The following KRT73 variants were observed in gnomAD, a reference collection of about 807,000 sequenced individuals.
KRT73 encodes the protein keratin 73.
Under a neutral mutation model 47.2 loss-of-function variants are expected in KRT73, and 44 were observed. The observed-to-expected ratio is 0.93, with a 90% CI of 0.73 to 1.20. The LOEUF (loss-of-function observed/expected upper bound fraction) is 1.20, where lower values mean the gene tolerates loss of function less well. Among genes scored for constraint, KRT73 ranks in the 50% most tolerant of loss-of-function variants. The pLI is 0.00. For synonymous variants in KRT73, 285 were observed against 291.3 expected, an observed-to-expected ratio of 0.98 and a Z score of 0.22; for missense variants, 713 against 704.5, an observed-to-expected ratio of 1.01 and a Z score of -0.14.
At chr12:52,613,531 C>G (rs530081878) in intron 5 of KRT73, 157 bp downstream of exon 5, 11 of 1,390,704 alleles carry the variant, frequency 7.9e-6, no homozygotes, top group Non-Finnish European at 1.0e-5. Context: ...AAGGACAGAG[C>G]TGTGTCTTCT....
At chr12:52,616,741 G>A (rs1940823415) in intron 1 of KRT73, among the ~76,000 whole-genome samples, 1 of 152,150 alleles carries the variant, frequency 6.6e-6, no homozygotes, top group African/African-American at 2.4e-5. Flanking sequence ...AAGCTGGCCT[G>A]TGCTAGCCTT....
At chr12:52,615,428 A>G (rs1940796521) in intron 2 of KRT73, 89 bp from the exon 3 acceptor site, 3 of 1,007,078 alleles carry the variant, frequency 3.0e-6, no homozygotes, top group Non-Finnish European at 3.1e-6. Context: ...AGATACCCAT[A>G]TTATATGCCT....
the KRT73 span, among the ~76,000 whole-genome samples, chr12:52,630,094 G>A: frequency 1.3e-5 from 2 of 152,192 alleles, no homozygotes; most frequent in South Asian, 4.1e-4. Context: ...GTGAGGGAAA[G>A]TCTAGAGGGT....
the KRT73 span, among the ~76,000 whole-genome samples, chr12:52,626,922 G>A: frequency 1.5e-4 from 23 of 152,152 alleles, no homozygotes; most frequent in Admixed American, 3.9e-4. Context: ...CACTCTACCC[G>A]GAAGGGCTCT....
chr12:52,627,113 TTAA>T, the KRT73 span, among the ~76,000 whole-genome samples: 1 of 152,204 alleles, frequency 6.6e-6, no homozygotes, highest in South Asian at 2.1e-4. Flanking sequence ...GCACCTCTAC[TTAA>T]ACACTCCCTT....
upstream of KRT73, among the ~76,000 whole-genome samples, chr12:52,619,820 A>G (rs933971218): frequency 6.6e-6 from 1 of 152,108 alleles, no homozygotes; most frequent in African/African-American, 2.4e-5. Flanking sequence ...AAATATATCC[A>G]TAGTATAGAA....
Position 52,610,714 on chromosome 12 carries a change from G to T in KRT73, c.1232C>A (p.Ala411Glu), listed in dbSNP as rs751592269. The change falls in exon 7 of 9, where the codon GCA (alanine) becomes GAA (glutamate). Residue 411 changes from alanine (A) to glutamate (E), a missense_variant. Ala to Glu is a moderately radical substitution (Grantham distance 107). Transcript: ENST00000305748. ...CTCTTGGTACTCGCGCAGCATCCGT[G>T]CCAGCTCCTCCTTGGCCTGCTGCAG... ...GALQQAKEEL[A>E]RMLREYQELL... The T allele has an allele frequency of 1.2e-6, 2 of 1,613,994 alleles. No homozygotes were observed. Among genetic ancestry groups the T allele is most frequent in the Admixed American group, 1.7e-5 (1 of 60,012 alleles).
At chr12:52,615,033 C>G (rs981838335) in intron 3 of KRT73, 3 of 539,782 alleles carry the variant, frequency 5.6e-6, no homozygotes, top group Non-Finnish European at 9.8e-6. Context: ...CTGTCCTGTT[C>G]CCCAGCCAGA....
chr12:52,617,421 T>C (rs1452747686), intron 1 of KRT73, among the ~76,000 whole-genome samples: 7 of 152,072 alleles, frequency 4.6e-5, no homozygotes, highest in Non-Finnish European at 7.4e-5. Flanking sequence ...AGCCTGAGAG[T>C]GTGCATTCTA....
chr12:52,625,808 C>A, the KRT73 span, among the ~76,000 whole-genome samples: 1 of 152,012 alleles, frequency 6.6e-6, no homozygotes, highest in Non-Finnish European at 1.5e-5. Context: ...AAGAAATAAA[C>A]TATCACTACA....
At chr12:52,614,223 G>A in intron 4 of KRT73, 1 of 341,396 alleles carries the variant, frequency 2.9e-6, no homozygotes, top group Non-Finnish European at 5.3e-6. Flanking sequence ...AGGCAGAAGG[G>A]GTATGAGGAC....
In KRT73 at chr12:52,613,753, G is replaced by T. The variant is rs747833195; in HGVS notation, c.919C>A (p.Arg307Ser). Reference protein sequence around the residue: ...LDLDSIIAEVRAQYEEIARKS... With the variant: ...LDLDSIIAEVSAQYEEIARKS... ...CGGGCGATCTCCTCATACTGGGCAC[G>T]GACCTCAGCAATGATGCTGTCCAGG... is the stretch of plus-strand genomic sequence containing the variant. The change falls in exon 5 of 9, where the codon CGT becomes AGT. Residue 307 changes from arginine (R) to serine (S), a missense_variant. Transcript: ENST00000305748. The T allele has an allele frequency of 7.4e-6, 12 of 1,613,996 alleles. No homozygotes were observed. Among genetic ancestry groups the T allele is most frequent in the Admixed American group, 3.3e-5 (2 of 60,002 alleles).
the KRT73 span, among the ~76,000 whole-genome samples, chr12:52,630,489 C>A: frequency 6.6e-6 from 1 of 152,144 alleles, no homozygotes; most frequent in African/African-American, 2.4e-5. Context: ...CAGCACTGTG[C>A]CGAGGGCCAA....
At chr12:52,623,471 G>A (rs7977282), upstream of KRT73, among the ~76,000 whole-genome samples, 62,245 of 151,994 alleles carry the variant, frequency 0.41, 13,323 homozygotes, top group African/African-American at 0.44. Flanking sequence ...TAAAAGAATG[G>A]CTAAAGTAAG....
intron 3 of KRT73, 146 bp downstream of exon 3, chr12:52,615,123 GTGTCCCAAAA>G (rs369437273): frequency 3.1e-5 from 19 of 611,780 alleles, no homozygotes; most frequent in African/African-American, 2.0e-4. Flanking sequence ...CCAACACCAG[GTGTCCCAAAA>G]TGTCCCAAGC....
At chr12:52,629,985 C>T in the KRT73 span, among the ~76,000 whole-genome samples, 1 of 152,190 alleles carries the variant, frequency 6.6e-6, no homozygotes, top group Non-Finnish European at 1.5e-5. Flanking sequence ...GGGATCAATA[C>T]AGCCGTGCCT....
In KRT73 at chr12:52,618,201, G is replaced by T. The variant is rs763414808; in HGVS notation, c.324C>A (p.Thr108=). The change falls in exon 1 of 9, where the codon ACC becomes ACA. Residue 108 remains threonine, a synonymous_variant. Transcript: ENST00000305748. ...GGGGTGCCAGGAGGCTCTTGTTGAT[G>T]GTGACCTGATGGATACCCCCGGGCG... ...LCPPGGIHQV[T]INKSLLAPLN... The T allele has an allele frequency of 6.2e-7, 1 of 1,614,082 alleles. No homozygotes were observed. Among genetic ancestry groups the T allele is most frequent in the East Asian group, 2.2e-5 (1 of 44,872 alleles).
At chr12:52,618,657 C>T, upstream of KRT73, 1 of 926,186 alleles carries the variant, frequency 1.1e-6, no homozygotes. Flanking sequence ...GTTCAGTTTG[C>T]CTGGAAGCAA....
upstream of KRT73, among the ~76,000 whole-genome samples, chr12:52,623,111 G>A (rs585122): frequency 0.069 from 10,479 of 152,188 alleles, 843 homozygotes; most frequent in Admixed American, 0.16. Context: ...GGCAAAAGAC[G>A]TAAACCCACA....
Sources: allele counts gnomAD v4.1 joint callset (sites outside exome capture counted in the v4.1 genomes callset), GRCh38; gene constraint gnomAD v4.1.1; transcripts MANE v1.5; gene names NCBI Gene and HGNC (gene_info 2026-07-23, HGNC 2026-07-21).